Variants in ZNF267 observed in about 807,000 individuals in gnomAD.
ZNF267 encodes the protein zinc finger (C2H2).
In ZNF267, 61 loss-of-function variants were observed where a neutral mutation model predicts 71.6. That is an observed-to-expected ratio of 0.85 (90% CI 0.69 to 1.05). ZNF267 has a LOEUF of 1.05. ZNF267 is among the 50% of genes least tolerant of loss of function. ZNF267 has a pLI of 0.00. For missense variants in ZNF267, 852 were observed against 870.0 expected, an observed-to-expected ratio of 0.98 and a Z score of 0.26; for synonymous variants, 288 against 293.2, an observed-to-expected ratio of 0.98 and a Z score of 0.18.
At chr16:31,908,639 C>T (rs1396186744) in intron 3 of ZNF267, among the ~76,000 whole-genome samples, 2 of 151,476 alleles carry the variant, frequency 1.3e-5, no homozygotes, top group East Asian at 3.9e-4. Context: ...TATGGATATC[C>T]AGTTTTTTTT....
Position 31,916,403 on chromosome 16 carries a change from T to G in ZNF267, c.2154T>G (p.Cys718Trp), listed in dbSNP as rs758267159. The change falls in exon 4 of 4, where the codon TGT (cysteine) becomes TGG (tryptophan). Residue 718 changes from cysteine to tryptophan, a missense_variant. Transcript: ENST00000300870. Reference sequence around the variant, plus strand: ...ATAGTGGAGAGAGACCCTACAAATGTGAAGAATGTGGCAAAGCCTTTAACT... The same window carrying G: ...ATAGTGGAGAGAGACCCTACAAATGGGAAGAATGTGGCAAAGCCTTTAACT... ...RSHSGERPYKCEECGKAFNSR... is the reference protein window; with the variant it reads ...RSHSGERPYKWEECGKAFNSR... 74 of 1,614,042 alleles carry G rather than the reference T, an allele frequency of 4.6e-5. No individual in the cohort carries two copies. Among genetic ancestry groups the G allele is most frequent in the Non-Finnish European group, 5.9e-5 (70 of 1,180,014 alleles).
At chr16:31,875,147 T>C (rs763223016) in intron 1 of ZNF267, 9 of 1,289,076 alleles carry the variant, frequency 7.0e-6, no homozygotes, top group South Asian at 1.2e-5. Flanking sequence ...TTGGAAACTT[T>C]ACAGGGCCCT....
chr16:31,904,892 A>G (rs935930670), intron 3 of ZNF267, among the ~76,000 whole-genome samples: 20 of 152,126 alleles, frequency 1.3e-4, no homozygotes, highest in Non-Finnish European at 2.5e-4. Flanking sequence ...GATGGTCTTT[A>G]CAGTTTGGCA....
At chr16:31,891,611 G>A (rs981567894) in intron 3 of ZNF267, among the ~76,000 whole-genome samples, 3 of 152,138 alleles carry the variant, frequency 2.0e-5, no homozygotes, top group Non-Finnish European at 4.4e-5. Context: ...TAGTGAATAA[G>A]TCTCACGAGA....
In ZNF267 at chr16:31,905,762, G is replaced by A. The variant is rs117940190; in HGVS notation, c.227-8714G>A. On this transcript the variant is annotated intron_variant, in intron 3 of 3. Transcript: ENST00000300870. ...TCGTTTAGCTCAGAGTAGTTTGATT[G>A]TCTGACGCCTTCTTCTCTCACCTCG... Among the ~76,000 whole-genome samples the A allele has an allele frequency of 2.5e-3, 387 of 152,112 alleles. 1 individual carries two copies. Among genetic ancestry groups the A allele is most frequent in the Non-Finnish European group, 4.7e-3 (321 of 67,950 alleles).
chr16:31,874,160 C>G, intron 1 of ZNF267, 191 bp downstream of exon 1: 1 of 614,594 alleles, frequency 1.6e-6, no homozygotes, highest in East Asian at 2.9e-5. Flanking sequence ...GCCGGGACCC[C>G]GCGTGTCCTG....
At chr16:31,911,664 C>T (rs761391155) in intron 3 of ZNF267, among the ~76,000 whole-genome samples, 1 of 150,954 alleles carries the variant, frequency 6.6e-6, no homozygotes, top group Non-Finnish European at 1.5e-5. Flanking sequence ...TTCCATTCAG[C>T]ATTATTATTG....
At chr16:31,903,763 G>A (rs1322215055) in intron 3 of ZNF267, among the ~76,000 whole-genome samples, 1 of 152,136 alleles carries the variant, frequency 6.6e-6, no homozygotes, top group Non-Finnish European at 1.5e-5. Flanking sequence ...ATTTTTTGAA[G>A]GGTTTTTTGT....
chr16:31,905,652 C>T, intron 3 of ZNF267, among the ~76,000 whole-genome samples: 1 of 152,084 alleles, frequency 6.6e-6, no homozygotes. Context: ...CCTTTAAGGA[C>T]TTCTCTGCAT....
intron 3 of ZNF267, among the ~76,000 whole-genome samples, chr16:31,910,851 G>C (rs900329968): frequency 2.6e-5 from 4 of 151,080 alleles, no homozygotes; most frequent in African/African-American, 9.8e-5. Flanking sequence ...ACATTTCTCA[G>C]TACTGCTTTT....
At chr16:31,878,902 A>G (rs1393905084) in intron 1 of ZNF267, among the ~76,000 whole-genome samples, 1 of 152,238 alleles carries the variant, frequency 6.6e-6, no homozygotes, top group Non-Finnish European at 1.5e-5. Context: ...AATTAGAAAT[A>G]CAAGACTTAA....
rs1246371575 is a variant in ZNF267, at chr16:31,914,905, A to G, written c.656A>G (p.Asn219Ser). 2.5e-5 allele frequency: 40 copies of G among 1,612,392 alleles called. No homozygotes were observed. The highest frequency in any genetic ancestry group is 3.3e-5 in the Non-Finnish European group (39 of 1,179,612). The change falls in exon 4 of 4, where the codon AAT becomes AGT. Residue 219 changes from asparagine (N) to serine (S), a missense_variant. Coordinates refer to ENST00000300870, the MANE Select transcript of ZNF267 (RefSeq NM_003414.6). ...VFIGEKNYHCNNSEKTLNQSS... is the reference protein window; with the variant it reads ...VFIGEKNYHCSNSEKTLNQSS... Reference sequence around the variant, plus strand: ...ATTGGAGAGAAAAATTATCATTGCAATAATTCTGAAAAAACCTTGAACCAA... The same window carrying G: ...ATTGGAGAGAAAAATTATCATTGCAGTAATTCTGAAAAAACCTTGAACCAA...
At chr16:31,884,409 T>C (rs2083909563) in intron 1 of ZNF267, 89 bp from the exon 2 acceptor site, 5 of 1,563,260 alleles carry the variant, frequency 3.2e-6, no homozygotes, top group Non-Finnish European at 4.4e-6. Context: ...CTCATATATG[T>C]CAGAACCAAT....
intron 3 of ZNF267, among the ~76,000 whole-genome samples, chr16:31,893,423 A>G (rs2142342539): frequency 6.6e-6 from 1 of 152,344 alleles, no homozygotes; most frequent in African/African-American, 2.4e-5. Flanking sequence ...GGTGATTAAC[A>G]TTCGGCTCTT....
chr16:31,913,797 T>G lies in ZNF267; in HGVS notation c.227-679T>G, dbSNP rs576756067. ...CACTCAACACCCAAGCACTCTTCAG[T>G]CAGCTTATGATGACTGCTTCCACAA... On this transcript the variant is annotated intron_variant, in intron 3 of 3. Transcript: ENST00000300870. The G allele has an allele frequency of 1.6e-3, 251 of 152,314 alleles. 6 individuals are homozygous for G. In the South Asian group the frequency reaches 0.05, roughly 30 times the overall value. The allele number at this position is 152,314 out of a possible 1,614,324, so 9.4% of individuals were successfully genotyped here. A position where few individuals can be genotyped will look rare whatever the true frequency, so the allele number is the denominator to read the frequency against.
chr16:31,900,251 T>C (rs2084029257), intron 3 of ZNF267, among the ~76,000 whole-genome samples: 1 of 152,154 alleles, frequency 6.6e-6, no homozygotes, highest in Non-Finnish European at 1.5e-5. Flanking sequence ...TATATACTAT[T>C]ATTACAATAA....
rs1340202352 is a variant in ZNF267, at chr16:31,915,297, T to A, written c.1048T>A (p.Cys350Ser). 6.2e-7 allele frequency: 1 copy of A among 1,613,690 alleles called. No homozygotes were observed. The highest frequency in any genetic ancestry group is 8.5e-7 in the Non-Finnish European group (1 of 1,179,818). Residue 350 changes from cysteine to serine, a missense_variant, in exon 4 of 4, where the codon TGT becomes AGT. Cys to Ser is a moderately radical substitution (Grantham distance 112). Transcript: ENST00000300870. ...GATCATTCCTACCGAAGAGAAACCC[T>A]GTAAATGGAAAGAATGTGGCAAGGT... ...HQIIPTEEKPCKWKECGKVFN... is the reference protein window; with the variant it reads ...HQIIPTEEKPSKWKECGKVFN...
chr16:31,895,062 C>T, intron 3 of ZNF267: 1 of 240,830 alleles, frequency 4.2e-6, no homozygotes, highest in East Asian at 1.4e-4. Context: ...AGGGGGCCTT[C>T]TGCTTTGCTG....
chr16:31,888,164 C>T (rs1596617757), intron 3 of ZNF267, among the ~76,000 whole-genome samples: 1 of 151,716 alleles, frequency 6.6e-6, no homozygotes, highest in African/African-American at 2.4e-5. Flanking sequence ...ACTTTTTTCT[C>T]AGTTTATTGT....
Sources: gnomAD v4.1 joint callset for allele counts (sites outside exome capture counted in the v4.1 genomes callset) on GRCh38, gnomAD v4.1.1 for gene constraint, MANE v1.5 for transcripts, NCBI Gene and HGNC (gene_info 2026-07-23, HGNC 2026-07-21) for gene names.